Variants in COL23A1 observed in about 807,000 individuals in gnomAD.
The protein encoded by COL23A1 is collagen alpha-1(XXIII) chain.
A neutral mutation model predicts 99.3 loss-of-function variants in COL23A1; 97 were observed. The ratio of observed to expected loss-of-function variants is 0.98; its 90% CI spans 0.83 to 1.16. COL23A1 has a LOEUF of 1.16. Ranked by LOEUF, COL23A1 falls within the 50% of genes most tolerant of loss-of-function variation. COL23A1 has a pLI of 0.00. For missense variants in COL23A1, 762 were observed against 757.4 expected (o/e 1.01, Z -0.07); for synonymous variants, 320 against 308.2 (o/e 1.04, Z -0.40).
At chr5:178,571,047 C>T (rs1448884866) in intron 1 of COL23A1, among the ~76,000 whole-genome samples, 1 of 152,042 alleles carries the variant, frequency 6.6e-6, no homozygotes, top group Non-Finnish European at 1.5e-5. Context: ...GCCAGTAAAC[C>T]TCATAATCCA....
At chr5:178,362,461 C>G (rs914113629) in intron 2 of COL23A1, among the ~76,000 whole-genome samples, 3 of 150,018 alleles carry the variant, frequency 2.0e-5, no homozygotes, top group Admixed American at 6.6e-5. Context: ...AGCAGCCACT[C>G]TCTCTTTTTT....
chr5:178,394,383 G>A (rs1764118880), intron 2 of COL23A1, among the ~76,000 whole-genome samples: 1 of 150,426 alleles, frequency 6.6e-6, no homozygotes, highest in South Asian at 2.1e-4. Flanking sequence ...AGGCTGCATA[G>A]GGCCTGCAGC....
intron 26 of COL23A1, 99 bp from the exon 27 acceptor site, chr5:178,242,227 C>T: frequency 6.9e-7 from 1 of 1,455,672 alleles, no homozygotes; most frequent in African/African-American, 1.4e-5. Flanking sequence ...CCTCCCCCTG[C>T]CTCCGCCCAC....
intron 22 of COL23A1, 72 bp downstream of exon 22, chr5:178,247,454 C>A: frequency 6.4e-7 from 1 of 1,564,682 alleles, no homozygotes. Context: ...TTTGCTTTGC[C>A]CATTGGCAAG....
At chr5:178,481,332 T>C (rs1407231641) in intron 2 of COL23A1, among the ~76,000 whole-genome samples, 1 of 152,072 alleles carries the variant, frequency 6.6e-6, no homozygotes, top group Non-Finnish European at 1.5e-5. Flanking sequence ...TGGCAAATAA[T>C]TTCTTGGATA....
At chr5:178,354,699 C>G (rs1761524070) in intron 2 of COL23A1, among the ~76,000 whole-genome samples, 1 of 152,130 alleles carries the variant, frequency 6.6e-6, no homozygotes, top group Non-Finnish European at 1.5e-5. Flanking sequence ...TTCCTGAGGC[C>G]TCCCCAGAAG....
intron 2 of COL23A1, among the ~76,000 whole-genome samples, chr5:178,339,978 T>G (rs1249167244): frequency 6.6e-6 from 1 of 151,962 alleles, no homozygotes; most frequent in Non-Finnish European, 1.5e-5. Context: ...CAATGACTTA[T>G]GATTAGGTGG....
rs555136269 is a variant in COL23A1 at position 178,280,683 on chromosome 5, G to A, written c.441+7641C>T. Among the ~76,000 whole-genome samples, 14 of 152,226 alleles carry A rather than the reference G, an allele frequency of 9.2e-5. No homozygotes were observed. Among genetic ancestry groups the A allele is most frequent in the African/African-American group, 2.9e-4 (12 of 41,530 alleles). ...TCTGTTGCCTGGGGAAGTGGGAGGC[G>A]GTTCCAGCCAGTGACCACGCTGCAA... On this transcript the variant is annotated intron_variant, in intron 5 of 28. Coordinates refer to ENST00000390654, the MANE Select transcript of COL23A1 (RefSeq NM_173465.4). This position sits in a 1 kb window ranked among gnomAD's most constrained non-coding sequence, Gnocchi z 4.9.
Position 178,262,100 on chromosome 5 carries a change from G to A in COL23A1, c.675+117C>T, listed in dbSNP as rs369727073. ...CAGACACGTACATGCAGAGGCGCGC[G>A]CACACACATAAACATGTGCGCGTGA... On this transcript the variant is annotated intron_variant, in intron 10 of 28. Coordinates refer to ENST00000390654, the MANE Select transcript of COL23A1 (RefSeq NM_173465.4). The A allele has an allele frequency of 3.3e-3, 3,642 of 1,100,520 alleles. 90 individuals are homozygous for A. In the African/African-American group the frequency reaches 0.051, roughly 15 times the overall value. The allele number at this position is 1,100,520 out of a possible 1,614,324, so 68.2% of individuals were successfully genotyped here.
chr5:178,462,770 T>C (rs1351819479), intron 2 of COL23A1, among the ~76,000 whole-genome samples: 3 of 152,252 alleles, frequency 2.0e-5, no homozygotes, highest in Non-Finnish European at 4.4e-5. Context: ...AACAATTAGA[T>C]GCCTGTAGCA....
chr5:178,320,368 C>A (rs1190196745), intron 2 of COL23A1, among the ~76,000 whole-genome samples: 1 of 152,154 alleles, frequency 6.6e-6, no homozygotes, highest in African/African-American at 2.4e-5. Flanking sequence ...AAGAAGTGGG[C>A]ACTGATGAGG....
chr5:178,312,347 G>A (rs1466637213), intron 2 of COL23A1, among the ~76,000 whole-genome samples: 2 of 152,218 alleles, frequency 1.3e-5, no homozygotes, highest in African/African-American at 2.4e-5. Flanking sequence ...GACTCTGGAC[G>A]TCTGAGAGCA....
chr5:178,357,802 G>A (rs1370483205), intron 2 of COL23A1, among the ~76,000 whole-genome samples: 7 of 149,526 alleles, frequency 4.7e-5, no homozygotes, highest in African/African-American at 1.8e-4. Flanking sequence ...GTGTATGTGT[G>A]TGTGTATGTG....
chr5:178,436,110 A>G lies in COL23A1; in HGVS notation c.361+124572T>C, dbSNP rs545517382. 2.6e-5 allele frequency among the ~76,000 whole-genome samples: 4 copies of G among 152,330 alleles called. No homozygotes were observed. In the South Asian group the frequency reaches 8.3e-4, roughly 32 times the overall value. On this transcript the variant is annotated intron_variant, in intron 2 of 28. Transcript: ENST00000390654. ...GGCACGAAGGATGCGCCTGGCCTCAACAGGCTGAGTGGGAGGGGAGAGGGA... is the reference window on the plus strand; with the variant it reads ...GGCACGAAGGATGCGCCTGGCCTCAGCAGGCTGAGTGGGAGGGGAGAGGGA...
intron 2 of COL23A1, among the ~76,000 whole-genome samples, chr5:178,539,402 C>A (rs1341556966): frequency 1.3e-5 from 2 of 151,940 alleles, no homozygotes; most frequent in Non-Finnish European, 2.9e-5. Context: ...CAAAAATTAG[C>A]TGGGCATGGT....
chr5:178,399,035 C>T (rs963717571), intron 2 of COL23A1, among the ~76,000 whole-genome samples: 6 of 152,230 alleles, frequency 3.9e-5, no homozygotes, highest in East Asian at 1.9e-4. Context: ...TCCCTGTGCA[C>T]GGGCAGAGGG....
chr5:178,241,796 C>T (rs1016082253), intron 27 of COL23A1, among the ~76,000 whole-genome samples: 2 of 152,222 alleles, frequency 1.3e-5, no homozygotes, highest in African/African-American at 4.8e-5. Flanking sequence ...GGGGCTGGGC[C>T]TCCAGCTCTA....
intron 2 of COL23A1, among the ~76,000 whole-genome samples, chr5:178,432,099 T>C (rs980475518): frequency 2.0e-5 from 3 of 152,216 alleles, no homozygotes; most frequent in Admixed American, 2.0e-4. Context: ...TGGAATAAAA[T>C]CTGGTACGTC....
chr5:178,360,639 T>G (rs1294344906), intron 2 of COL23A1, among the ~76,000 whole-genome samples: 1 of 152,180 alleles, frequency 6.6e-6, no homozygotes, highest in Admixed American at 6.5e-5. Flanking sequence ...AAGTGAGAAT[T>G]ACACCTCCCT....
Sources: allele counts gnomAD v4.1 joint callset (sites outside exome capture counted in the v4.1 genomes callset), GRCh38; gene constraint gnomAD v4.1.1; non-coding constraint Gnocchi (gnomAD v3.1); transcripts MANE v1.5; gene names NCBI Gene and HGNC (gene_info 2026-07-23, HGNC 2026-07-21).